Variants in MYO1E observed in about 807,000 individuals in gnomAD.
MYO1E encodes the protein unconventional myosin-Ie.
In MYO1E, 68 loss-of-function variants were observed where a neutral mutation model predicts 151.1. The ratio of observed to expected loss-of-function variants is 0.45; its 90% CI spans 0.37 to 0.55. The LOEUF (loss-of-function observed/expected upper bound fraction) is 0.55, where lower values mean the gene tolerates loss of function less well. Ranked by LOEUF, MYO1E falls within the 20% of genes least tolerant of loss-of-function variation. MYO1E has a pLI of 0.00. For missense variants in MYO1E, 1,363 were observed against 1,389.3 expected (o/e 0.98, Z 0.30); for synonymous variants, 601 against 501.7 (o/e 1.20, Z -2.64).
intron 4 of MYO1E, among the ~76,000 whole-genome samples, chr15:59,237,244 A>G (rs1270792352): frequency 6.6e-6 from 1 of 152,208 alleles, no homozygotes; most frequent in African/African-American, 2.4e-5. Context: ...TTAAAAAAAG[A>G]AAAGAAAAAG....
At chr15:59,173,551 A>G (rs2079607796) in intron 21 of MYO1E, among the ~76,000 whole-genome samples, 195 bp downstream of exon 21, 1 of 152,258 alleles carries the variant, frequency 6.6e-6, no homozygotes, top group Non-Finnish European at 1.5e-5. Context: ...TCTGAAAGAT[A>G]TGGATATACA....
intron 1 of MYO1E, among the ~76,000 whole-genome samples, chr15:59,360,245 C>T (rs535300736): frequency 8.5e-5 from 13 of 152,196 alleles, no homozygotes; most frequent in Non-Finnish European, 1.6e-4. Flanking sequence ...ACTCGATTCA[C>T]GTCTTGACGA....
chr15:59,295,309 TAAC>T (rs2080442366), intron 1 of MYO1E, among the ~76,000 whole-genome samples: 1 of 151,946 alleles, frequency 6.6e-6, no homozygotes. Context: ...TGGACGAGGG[TAAC>T]AACATCGCTT....
At chr15:59,306,021 C>A (rs1453165637) in intron 1 of MYO1E, among the ~76,000 whole-genome samples, 1 of 152,178 alleles carries the variant, frequency 6.6e-6, no homozygotes, top group Non-Finnish European at 1.5e-5. Flanking sequence ...GAAATAAACA[C>A]ATGCCACAGT....
At chr15:59,268,720 A>ATTTTTTTTTGTTTTTTTTTT (rs2080271584) in intron 2 of MYO1E, among the ~76,000 whole-genome samples, 2 of 44,906 alleles carry the variant, frequency 4.5e-5, no homozygotes, top group Non-Finnish European at 9.8e-5. Flanking sequence ...TGACTTTGGT[A>ATTTTTTTTTGTTTTTTTTTT]TTTTTTTTTT....
intron 1 of MYO1E, among the ~76,000 whole-genome samples, chr15:59,331,127 A>G (rs147580805): frequency 2.6e-4 from 40 of 152,292 alleles, no homozygotes; most frequent in Middle Eastern, 3.4e-3. Flanking sequence ...TCATGCTACA[A>G]TGGCAGAGTT....
chr15:59,337,282 T>C (rs1232132439), intron 1 of MYO1E, among the ~76,000 whole-genome samples: 3 of 152,214 alleles, frequency 2.0e-5, no homozygotes, highest in African/African-American at 7.2e-5. Flanking sequence ...CTAAGTTTAC[T>C]ACAGGTATGA....
chr15:59,326,843 G>A (rs1205443288), intron 1 of MYO1E, among the ~76,000 whole-genome samples: 1 of 152,188 alleles, frequency 6.6e-6, no homozygotes, highest in Non-Finnish European at 1.5e-5. Flanking sequence ...ACTCGAAAGC[G>A]ACCTGTTCAG....
At chr15:59,284,664 A>G (rs1079203) in intron 1 of MYO1E, among the ~76,000 whole-genome samples, 112,880 of 148,338 alleles carry the variant, frequency 0.76, 43,731 homozygotes, top group Non-Finnish European at 0.84. Flanking sequence ...TTGTAGAGAC[A>G]GGGTCCCACT....
intron 1 of MYO1E, among the ~76,000 whole-genome samples, chr15:59,310,320 A>T (rs2080543050): frequency 6.6e-6 from 1 of 152,232 alleles, no homozygotes; most frequent in African/African-American, 2.4e-5. Context: ...GACATGTTGA[A>T]GTCCTAGGCC....
At chr15:59,213,712 C>T (rs1428851281) in intron 12 of MYO1E, among the ~76,000 whole-genome samples, 4 of 152,066 alleles carry the variant, frequency 2.6e-5, no homozygotes, top group South Asian at 2.1e-4. Flanking sequence ...TCTCCCGACT[C>T]GGCCTCCCAA....
chr15:59,144,647 C>G (rs867054854), intron 26 of MYO1E, among the ~76,000 whole-genome samples: 1 of 152,068 alleles, frequency 6.6e-6, no homozygotes, highest in African/African-American at 2.4e-5. Context: ...CTCAACAGCA[C>G]TGAGGAACAC....
chr15:59,149,061 T>TTTTTTGTTTTTTTTTTTTG (rs1566964398), intron 26 of MYO1E, among the ~76,000 whole-genome samples: 12 of 140,052 alleles, frequency 8.6e-5, no homozygotes, highest in African/African-American at 2.8e-4. Flanking sequence ...TGTTTTTTTT[T>TTTTTTGTTTTTTTTTTTTG]TTTTTTTTTT....
chr15:59,326,790 T>C (rs1328611549), intron 1 of MYO1E, among the ~76,000 whole-genome samples: 2 of 152,234 alleles, frequency 1.3e-5, no homozygotes, highest in Non-Finnish European at 2.9e-5. Flanking sequence ...CCTACATAAA[T>C]TCTTCCCTTT....
chr15:59,343,310 T>TA (rs1392472308), intron 1 of MYO1E, among the ~76,000 whole-genome samples: 2 of 151,950 alleles, frequency 1.3e-5, no homozygotes, highest in African/African-American at 4.8e-5. Flanking sequence ...TTTTTTTTTT[T>TA]AATGCTTCAG....
At chr15:59,198,137 A>G (rs1420529396) in intron 16 of MYO1E, among the ~76,000 whole-genome samples, 1 of 152,160 alleles carries the variant, frequency 6.6e-6, no homozygotes, top group Non-Finnish European at 1.5e-5. Flanking sequence ...GAGTGCTGAG[A>G]TTACAGGTGT....
At chr15:59,154,799 G>A (rs752900458) in intron 25 of MYO1E, among the ~76,000 whole-genome samples, 4 of 152,182 alleles carry the variant, frequency 2.6e-5, no homozygotes, top group Non-Finnish European at 5.9e-5. Flanking sequence ...GCTCCGACAA[G>A]CATTTTCTCT....
chr15:59,318,571 G>T (rs1282708932), intron 1 of MYO1E, among the ~76,000 whole-genome samples: 2 of 152,186 alleles, frequency 1.3e-5, no homozygotes, highest in East Asian at 3.8e-4. Flanking sequence ...TATTAGTCTA[G>T]AAGACTTGCA....
intron 1 of MYO1E, among the ~76,000 whole-genome samples, chr15:59,326,605 G>A (rs2080666193): frequency 6.6e-6 from 1 of 152,194 alleles, no homozygotes; most frequent in Non-Finnish European, 1.5e-5. Context: ...GTATCGACAC[G>A]TGATAACTGT....
Sources: gnomAD v4.1 joint callset for allele counts (sites outside exome capture counted in the v4.1 genomes callset) on GRCh38, gnomAD v4.1.1 for gene constraint, MANE v1.5 for transcripts, NCBI Gene and HGNC (gene_info 2026-07-23, HGNC 2026-07-21) for gene names.